The following CSMD1 variants were observed in gnomAD, a reference collection of about 807,000 sequenced individuals.
The protein encoded by CSMD1 is CUB and sushi domain-containing protein 1.
A neutral mutation model predicts 417.5 loss-of-function variants in CSMD1; 213 were observed. The ratio of observed to expected loss-of-function variants is 0.51; its 90% confidence interval spans 0.46 to 0.57. The LOEUF is 0.57. CSMD1 is among the 20% of genes least tolerant of loss of function. The pLI, the probability that CSMD1 is intolerant of heterozygous loss-of-function variation, is 0.00. For synonymous variants in CSMD1, 2,862 were observed against 1,736.8 expected, an observed-to-expected ratio of 1.65 and a Z score of -16.11; for missense variants, 6,923 against 4,529.7, an observed-to-expected ratio of 1.53 and a Z score of -15.17.
chr8:3,660,727 G>A (rs1032560421), intron 7 of CSMD1, among the ~76,000 whole-genome samples: 24 of 140,504 alleles, frequency 1.7e-4, no homozygotes, highest in East Asian at 2.6e-4. Flanking sequence ...CACCATGTTG[G>A]TCAGGGTGAT....
chr8:4,553,335 T>C (rs1026720674), intron 2 of CSMD1, among the ~76,000 whole-genome samples: 1 of 152,220 alleles, frequency 6.6e-6, no homozygotes, highest in Admixed American at 6.5e-5. Flanking sequence ...TTTTGTGTAA[T>C]TTTCATTAAT....
intron 8 of CSMD1, among the ~76,000 whole-genome samples, chr8:3,589,353 G>T (rs1000168661): frequency 1.3e-5 from 2 of 150,226 alleles, no homozygotes; most frequent in African/African-American, 4.9e-5. Flanking sequence ...TCCAACACTG[G>T]ACTGAGAAAT....
At chr8:4,578,681 G>C (rs1366658028) in intron 2 of CSMD1, among the ~76,000 whole-genome samples, 1 of 150,868 alleles carries the variant, frequency 6.6e-6, no homozygotes, top group East Asian at 2.0e-4. Context: ...TGGACATGGT[G>C]GCAGGTCCTG....
chr8:3,592,578 T>C (rs1800897704), intron 8 of CSMD1, among the ~76,000 whole-genome samples: 1 of 152,084 alleles, frequency 6.6e-6, no homozygotes, highest in Non-Finnish European at 1.5e-5. Flanking sequence ...AAATGTTGCT[T>C]GAATGAAAGT....
rs540796154 is a variant in CSMD1 at position 3,431,057 on chromosome 8, G to A, written c.1562-21452C>T. On this transcript the variant is annotated intron_variant, in intron 12 of 69. Transcript: ENST00000635120. Reference sequence around the variant, plus strand: ...GGAACCCTGCTAGTAATGGATTCTGGGAAATGCAGTTTCCAGGCTTCCAGA... The same window carrying A: ...GGAACCCTGCTAGTAATGGATTCTGAGAAATGCAGTTTCCAGGCTTCCAGA... 1.2e-4 allele frequency among the ~76,000 whole-genome samples: 18 copies of A among 152,196 alleles called. No homozygotes were observed. In the South Asian group the frequency reaches 3.3e-3, roughly 28 times the overall value.
chr8:4,425,851 C>T (rs936470259), intron 2 of CSMD1, among the ~76,000 whole-genome samples: 13 of 151,914 alleles, frequency 8.6e-5, no homozygotes, highest in Admixed American at 2.6e-4. Flanking sequence ...GTATATGCAA[C>T]GTTACTGATA....
intron 5 of CSMD1, among the ~76,000 whole-genome samples, chr8:3,848,731 T>C (rs879348108): frequency 2.0e-5 from 3 of 152,132 alleles, no homozygotes; most frequent in Non-Finnish European, 2.9e-5. Flanking sequence ...AATGGTCTTT[T>C]AGGTGGTCCT....
At chr8:4,964,832 C>A (rs1809750647) in intron 1 of CSMD1, among the ~76,000 whole-genome samples, 1 of 152,166 alleles carries the variant, frequency 6.6e-6, no homozygotes, top group Non-Finnish European at 1.5e-5. Context: ...CCACGATGGA[C>A]TTTAATACCA....
intron 1 of CSMD1, among the ~76,000 whole-genome samples, chr8:4,642,295 T>C (rs1397036008): frequency 6.6e-6 from 1 of 152,182 alleles, no homozygotes; most frequent in African/African-American, 2.4e-5. Context: ...AATTTTCTAC[T>C]TTGAAAGCCT....
chr8:4,940,696 A>G (rs911116080), intron 1 of CSMD1, among the ~76,000 whole-genome samples: 3 of 152,224 alleles, frequency 2.0e-5, no homozygotes, highest in Non-Finnish European at 4.4e-5. Flanking sequence ...AGATCAAATC[A>G]ACCAATTAAA....
intron 7 of CSMD1, among the ~76,000 whole-genome samples, chr8:3,621,031 G>T (rs1164107986): frequency 1.3e-5 from 2 of 152,034 alleles, no homozygotes; most frequent in African/African-American, 4.8e-5. Context: ...TTCTAAGAAG[G>T]GTAAGTTAGC....
chr8:3,798,176 C>A (rs1010954337), intron 5 of CSMD1, among the ~76,000 whole-genome samples: 2 of 151,878 alleles, frequency 1.3e-5, no homozygotes, highest in African/African-American at 4.8e-5. Context: ...TTAGATAAAA[C>A]AATTTTTAAC....
chr8:4,496,054 T>C (rs1246214362), intron 2 of CSMD1, among the ~76,000 whole-genome samples: 1 of 152,194 alleles, frequency 6.6e-6, no homozygotes, highest in African/African-American at 2.4e-5. Context: ...CTGTTTTCTT[T>C]TTCTTTTGTT....
At chr8:4,360,590 C>G (rs932645222) in intron 3 of CSMD1, among the ~76,000 whole-genome samples, 1 of 152,094 alleles carries the variant, frequency 6.6e-6, no homozygotes, top group Non-Finnish European at 1.5e-5. Context: ...CCCAGGTTCA[C>G]GTCATTCTCC....
intron 1 of CSMD1, among the ~76,000 whole-genome samples, chr8:4,846,368 G>C (rs1174788272): frequency 6.6e-6 from 1 of 152,138 alleles, no homozygotes; most frequent in Admixed American, 6.5e-5. Flanking sequence ...TCCTTGCTTG[G>C]AGGGCTGACA....
intron 7 of CSMD1, among the ~76,000 whole-genome samples, chr8:3,667,480 T>G (rs1487238842): frequency 6.6e-6 from 1 of 151,958 alleles, no homozygotes. Flanking sequence ...TGGCAAACAA[T>G]GCAGGGCCAG....
rs148491270 is a variant in CSMD1 at position 2,938,349 on chromosome 8, G to C, written c.*236C>G. 3.0e-4 allele frequency: 138 copies of C among 456,016 alleles called. 1 individual carries two copies. The highest frequency in any genetic ancestry group is 2.6e-3 in the African/African-American group (132 of 50,292). 28.2% of individuals were successfully genotyped at this position (456,016 alleles called of 1,614,324 possible). A position where few individuals can be genotyped will look rare whatever the true frequency, so the allele number is the denominator to read the frequency against. On this transcript the variant is annotated 3_prime_UTR_variant, in exon 70 of 70. Coordinates refer to ENST00000635120, the MANE Select transcript of CSMD1 (RefSeq NM_033225.6). Reference sequence around the variant, plus strand: ...CTGGAGTGTGCCTTGATTTCATACAGATGCAGCCAGGCATTTAGAACCCAC... The same window carrying C: ...CTGGAGTGTGCCTTGATTTCATACACATGCAGCCAGGCATTTAGAACCCAC...
chr8:4,326,382 G>A (rs889272005), intron 3 of CSMD1, among the ~76,000 whole-genome samples: 2 of 152,126 alleles, frequency 1.3e-5, no homozygotes, highest in Admixed American at 6.5e-5. Flanking sequence ...GTGGCGAGAG[G>A]CACTCAGATT....
At chr8:3,046,397 G>C (rs1180698749) in intron 50 of CSMD1, among the ~76,000 whole-genome samples, 2 of 152,156 alleles carry the variant, frequency 1.3e-5, no homozygotes, top group African/African-American at 4.8e-5. Context: ...GTGTGTAGCT[G>C]GGAATGTCCT....
Sources: gnomAD v4.1 joint callset for allele counts (sites outside exome capture counted in the v4.1 genomes callset) on GRCh38, gnomAD v4.1.1 for gene constraint, MANE v1.5 for transcripts, NCBI Gene and HGNC (gene_info 2026-07-23, HGNC 2026-07-21) for gene names.